KIF6: variants seen among roughly 807,000 people sequenced by gnomAD.
KIF6 encodes kinesin family member 6.
Under a neutral mutation model 112.7 loss-of-function variants are expected in KIF6, and 106 were observed. The ratio of observed to expected loss-of-function variants is 0.94; its 90% CI spans 0.80 to 1.11. KIF6 has a LOEUF of 1.11. Among genes scored for constraint, KIF6 ranks in the 50% least tolerant of loss-of-function variants. The pLI is 0.00. For synonymous variants in KIF6, 339 were observed against 339.9 expected (o/e 1.00, Z 0.03); for missense variants, 929 against 964.0 (o/e 0.96, Z 0.48).
chr6:39,514,749 A>G (rs907112352), intron 13 of KIF6, among the ~76,000 whole-genome samples: 1 of 146,542 alleles, frequency 6.8e-6, no homozygotes, highest in African/African-American at 2.6e-5. Context: ...TTCCAAAAGT[A>G]ATCGTTCAAA....
chr6:39,669,721 C>T (rs551317447), intron 3 of KIF6, among the ~76,000 whole-genome samples: 2 of 152,288 alleles, frequency 1.3e-5, no homozygotes, highest in East Asian at 1.9e-4. Flanking sequence ...AGACCTTATG[C>T]GGGGCAGCAC....
At chr6:39,616,464 T>C (rs1783527162) in intron 5 of KIF6, among the ~76,000 whole-genome samples, 1 of 152,126 alleles carries the variant, frequency 6.6e-6, no homozygotes, top group Non-Finnish European at 1.5e-5. Flanking sequence ...CAGGTTAGAG[T>C]TTTCTTTCAT....
chr6:39,593,687 T>G (rs111880612), intron 7 of KIF6, among the ~76,000 whole-genome samples: 3,836 of 152,134 alleles, frequency 0.025, 64 homozygotes, highest in Non-Finnish European at 0.036. Flanking sequence ...AGCAAATTCA[T>G]CCCCCTGGGC....
At chr6:39,653,202 C>T (rs775172466) in intron 3 of KIF6, among the ~76,000 whole-genome samples, 6 of 152,164 alleles carry the variant, frequency 3.9e-5, no homozygotes, top group Admixed American at 1.3e-4. Flanking sequence ...ATTTGCAATA[C>T]TTTCCTCTGG....
intron 3 of KIF6, among the ~76,000 whole-genome samples, chr6:39,709,897 T>C (rs531446654): frequency 6.6e-6 from 1 of 152,282 alleles, no homozygotes; most frequent in South Asian, 2.1e-4. Context: ...TCTTAAAAAT[T>C]TGATTTTCAA....
chr6:39,391,718 G>T (rs556965078), intron 15 of KIF6, among the ~76,000 whole-genome samples: 1 of 152,330 alleles, frequency 6.6e-6, no homozygotes, highest in South Asian at 2.1e-4. Context: ...CTAAAAAAAA[G>T]ATAGTCAAGT....
chr6:39,441,907 C>A (rs1422787517), intron 13 of KIF6, among the ~76,000 whole-genome samples: 1 of 152,190 alleles, frequency 6.6e-6, no homozygotes, highest in Admixed American at 6.5e-5. Context: ...TTAGTAGGTT[C>A]TGAGGGCTGG....
intron 19 of KIF6, among the ~76,000 whole-genome samples, chr6:39,349,631 C>CTTTTTTTTTTTTTTTTTTTTTTTTTTTT (rs58810898): frequency 7.7e-5 from 5 of 64,562 alleles, no homozygotes; most frequent in African/African-American, 2.6e-4. Context: ...ATTTGTGGCT[C>CTTTTTTTTTTTTTTTTTTTTTTTTTTTT]TTTTTTTTTT....
intron 3 of KIF6, among the ~76,000 whole-genome samples, chr6:39,676,215 A>G (rs1787130041): frequency 6.6e-6 from 1 of 152,140 alleles, no homozygotes; most frequent in Non-Finnish European, 1.5e-5. Flanking sequence ...ACACCTGCAC[A>G]AAGTAAAACT....
intron 3 of KIF6, among the ~76,000 whole-genome samples, chr6:39,647,858 C>T (rs1193274096): frequency 1.3e-5 from 2 of 151,232 alleles, no homozygotes; most frequent in African/African-American, 4.9e-5. Flanking sequence ...ATTACAGGCA[C>T]CCGCCATTAT....
intron 3 of KIF6, among the ~76,000 whole-genome samples, chr6:39,648,393 A>G (rs957743148): frequency 1.6e-4 from 24 of 152,104 alleles, no homozygotes; most frequent in African/African-American, 5.8e-4. Flanking sequence ...GAGCTAAACC[A>G]GTTATGTGAG....
At chr6:39,428,000 T>C (rs574415045) in intron 14 of KIF6, among the ~76,000 whole-genome samples, 2 of 152,362 alleles carry the variant, frequency 1.3e-5, no homozygotes, top group African/African-American at 4.8e-5. Flanking sequence ...GTTCTTTGAT[T>C]TGAGCATGTG....
intron 3 of KIF6, among the ~76,000 whole-genome samples, chr6:39,643,943 C>T (rs1785035438): frequency 6.6e-6 from 1 of 151,996 alleles, no homozygotes; most frequent in Non-Finnish European, 1.5e-5. Flanking sequence ...TCATCATATC[C>T]ATAATCCATA....
chr6:39,622,567 T>C (rs1367753659), intron 5 of KIF6, among the ~76,000 whole-genome samples: 1 of 152,208 alleles, frequency 6.6e-6, no homozygotes, highest in Admixed American at 6.5e-5. Flanking sequence ...GTGTGGCTCA[T>C]GATGCAGTTT....
Position 39,544,568 on chromosome 6 carries a change from T to A in KIF6, c.1413A>T (p.Arg471Ser). 6.2e-7 allele frequency: 1 copy of A among 1,611,974 alleles called. No individual in the cohort carries two copies. The change falls in exon 12 of 23, where the codon AGA becomes AGT. Residue 471 changes from arginine (R) to serine (S), a missense_variant. Physicochemically the swap from Arg to Ser is moderately radical, Grantham distance 110. This residue lies in a region of KIF6 where 688 missense variants were observed against 662.7 expected (regional missense o/e 1.04). Transcript: ENST00000287152. Reference protein sequence around the residue: ...YRKLRDILKQRDNEINILVNM... With the variant: ...YRKLRDILKQSDNEINILVNM... Reference sequence around the variant, plus strand: ...CAGAAAGGATACTGATTTCGTTATCTCTCTGTTTCAGAATATCTCGTAGCT... The same window carrying A: ...CAGAAAGGATACTGATTTCGTTATCACTCTGTTTCAGAATATCTCGTAGCT...
At chr6:39,349,629 C>T (rs1450667336) in intron 19 of KIF6, among the ~76,000 whole-genome samples, 3 of 98,144 alleles carry the variant, frequency 3.1e-5, no homozygotes, top group African/African-American at 1.4e-4. Context: ...TAATTTGTGG[C>T]TCTTTTTTTT....
chr6:39,495,931 T>G (rs920941657), intron 13 of KIF6, among the ~76,000 whole-genome samples: 4 of 152,184 alleles, frequency 2.6e-5, no homozygotes, highest in Non-Finnish European at 5.9e-5. Context: ...TTCAGGGGCC[T>G]GGGGACCCCA....
At chr6:39,501,880 G>C (rs1362172768) in intron 13 of KIF6, among the ~76,000 whole-genome samples, 1 of 152,126 alleles carries the variant, frequency 6.6e-6, no homozygotes, top group African/African-American at 2.4e-5. Context: ...AAAAGAGACA[G>C]GGAGAATGGA....
intron 6 of KIF6, among the ~76,000 whole-genome samples, chr6:39,603,326 A>G (rs959029016): frequency 2.0e-5 from 3 of 152,076 alleles, no homozygotes; most frequent in African/African-American, 7.2e-5. Context: ...ATAACATCAA[A>G]TGCCTGGATT....
Sources: gnomAD v4.1 joint callset for allele counts (sites outside exome capture counted in the v4.1 genomes callset) on GRCh38, gnomAD v4.1.1 for gene constraint, gnomAD v4.1.1 regional missense constraint, MANE v1.5 for transcripts, NCBI Gene and HGNC (gene_info 2026-07-23, HGNC 2026-07-21) for gene names.